ACACB: variants seen among roughly 807,000 people sequenced by gnomAD.
ACACB encodes acetyl-CoA carboxylase 2.
A neutral mutation model predicts 278.8 loss-of-function variants in ACACB; 209 were observed. That is an observed-to-expected ratio of 0.75 (90% CI 0.67 to 0.84). The LOEUF is 0.84. Ranked by LOEUF, ACACB falls within the 40% of genes least tolerant of loss-of-function variation. The pLI, the probability that ACACB is intolerant of heterozygous loss-of-function variation, is 0.00. For missense variants in ACACB, 2,850 were observed against 3,269.0 expected (o/e 0.87, Z 3.13); for synonymous variants, 1,174 against 1,285.6 (o/e 0.91, Z 1.86).
At chr12:109,189,674 C>A (rs2044795017) in intron 13 of ACACB, among the ~76,000 whole-genome samples, 1 of 152,184 alleles carries the variant, frequency 6.6e-6, no homozygotes, top group Non-Finnish European at 1.5e-5. Context: ...TCATACCCAG[C>A]TTCCAGACCC....
rs984699159 is a variant in ACACB, at chr12:109,246,785, G to A, written c.5571+337G>A. On this transcript the variant is annotated intron_variant, in intron 39 of 52. Transcript: ENST00000338432. ...TGTGTCAACTCCCTGGCCTCATAGC[G>A]TTCTTAGAATTATGGCTCACACCTG... Among the ~76,000 whole-genome samples the A allele has an allele frequency of 4.6e-5, 7 of 152,246 alleles. 1 individual carries two copies. In the South Asian group the frequency reaches 1.0e-3, roughly 23 times the overall value.
At chr12:109,118,101 C>A (rs2042452360) in intron 1 of ACACB, among the ~76,000 whole-genome samples, 1 of 152,132 alleles carries the variant, frequency 6.6e-6, no homozygotes, top group Admixed American at 6.5e-5. Flanking sequence ...ACATGGAGTT[C>A]TTTACAAGAT....
Position 109,176,046 on chromosome 12 carries a change from T to C in ACACB, c.1326+6T>C, listed in dbSNP as rs779765495. On this transcript the variant is annotated splice_donor_region_variant and intron_variant, in intron 8 of 52. Coordinates refer to ENST00000338432, the MANE Select transcript of ACACB (RefSeq NM_001093.4). ...ACGTAGATGAGGGCTTGGAGGTAAA[T>C]GCAGAGCCTGTGGGGGCCAGGGGAG... 6.2e-7 allele frequency: 1 copy of C among 1,613,934 alleles called. No homozygotes were observed. Among genetic ancestry groups the C allele is most frequent in the Non-Finnish European group, 8.5e-7 (1 of 1,179,778 alleles).
chr12:109,152,008 A>G (rs1274563840), intron 2 of ACACB, among the ~76,000 whole-genome samples: 1 of 152,234 alleles, frequency 6.6e-6, no homozygotes, highest in African/African-American at 2.4e-5. Context: ...ATGCAAGGTC[A>G]TGATCACTGT....
chr12:109,266,241 T>G lies in ACACB; in HGVS notation c.7256T>G (p.Val2419Gly). 1.2e-6 allele frequency: 2 copies of G among 1,612,928 alleles called. No individual in the cohort carries two copies. The highest frequency in any genetic ancestry group is 4.5e-5 in the East Asian group (2 of 44,766). Residue 2419 changes from valine to glycine, a missense_variant, in exon 53 of 53, where the codon GTT becomes GGT. Coordinates refer to ENST00000338432, the MANE Select transcript of ACACB (RefSeq NM_001093.4). ...DSVLKTIRGLVEENPEVAVDC... is the reference protein window; with the variant it reads ...DSVLKTIRGLGEENPEVAVDC... ...TCCTCTCACCTCCCCCACAGCCTGG[T>G]TGAAGAAAACCCCGAGGTGGCCGTG...
chr12:109,194,512 ATGTGTGTGTG>A (rs370227666), intron 16 of ACACB, among the ~76,000 whole-genome samples: 2 of 88,822 alleles, frequency 2.3e-5, no homozygotes, highest in African/African-American at 8.6e-5. Flanking sequence ...CTGTGTGTGC[ATGTGTGTGTG>A]TGTGTGTGTG....
At chr12:109,239,529 G>A (rs2046732783) in intron 34 of ACACB, among the ~76,000 whole-genome samples, 1 of 152,358 alleles carries the variant, frequency 6.6e-6, no homozygotes, top group East Asian at 1.9e-4. Context: ...CTGGTTCTCA[G>A]GAATCTGGCC....
chr12:109,129,430 G>T lies in ACACB; in HGVS notation c.-9-9967G>T, dbSNP rs11065634. Among the ~76,000 whole-genome samples the T allele has an allele frequency of 1.9e-3, 290 of 152,200 alleles. 1 individual carries two copies. Among genetic ancestry groups the T allele is most frequent in the African/African-American group, 6.3e-3 (261 of 41,518 alleles). On this transcript the variant is annotated intron_variant, in intron 1 of 52. Transcript: ENST00000338432. ...AGTGACACAGAAAAACACTTGTCGCGACTTATTAGGAATCACTTCCTCTTC... is the reference window on the plus strand; with the variant it reads ...AGTGACACAGAAAAACACTTGTCGCTACTTATTAGGAATCACTTCCTCTTC...
intron 50 of ACACB, 102 bp from the exon 51 acceptor site, chr12:109,265,008 G>A (rs1355729112): frequency 4.5e-6 from 6 of 1,332,600 alleles, no homozygotes; most frequent in Non-Finnish European, 5.2e-6. Context: ...TGATCTCAGA[G>A]CCTGGGCCCA....
chr12:109,113,599 A>T (rs1490420378), upstream of ACACB, among the ~76,000 whole-genome samples: 1 of 152,238 alleles, frequency 6.6e-6, no homozygotes, highest in Admixed American at 6.5e-5. Context: ...TTTTTTAAAG[A>T]TAGACTTTAG....
chr12:109,115,106 C>A (rs146633452), upstream of ACACB, among the ~76,000 whole-genome samples: 1,579 of 152,244 alleles, frequency 0.01, 37 homozygotes, highest in African/African-American at 0.035. Flanking sequence ...AGTCTTTTTG[C>A]AAGTAATGAA....
chr12:109,122,783 C>T (rs2135945358), intron 1 of ACACB, among the ~76,000 whole-genome samples: 2 of 151,882 alleles, frequency 1.3e-5, no homozygotes, highest in African/African-American at 4.8e-5. Flanking sequence ...CACAGTGGTC[C>T]CCCAATGCAT....
chr12:109,249,397 C>T (rs2047035573), intron 40 of ACACB: 1 of 152,226 alleles, frequency 6.6e-6, no homozygotes, highest in Admixed American at 6.5e-5. Flanking sequence ...GGAAAGGCAG[C>T]TTGCACAACT....
At chr12:109,134,442 G>A (rs1256775106) in intron 1 of ACACB, among the ~76,000 whole-genome samples, 2 of 152,198 alleles carry the variant, frequency 1.3e-5, no homozygotes, top group African/African-American at 2.4e-5. Flanking sequence ...GATTTAATCT[G>A]TTGGGCCTCT....
At chr12:109,171,958 T>C in intron 5 of ACACB, 44 bp downstream of exon 5, 2 of 1,492,800 alleles carry the variant, frequency 1.3e-6, no homozygotes, top group African/African-American at 2.8e-5. Flanking sequence ...GAGTGTGGGA[T>C]GATGCCCCTA....
intron 21 of ACACB, among the ~76,000 whole-genome samples, chr12:109,211,728 C>T (rs571952197): frequency 6.9e-4 from 105 of 152,250 alleles, no homozygotes; most frequent in African/African-American, 2.5e-3. Flanking sequence ...GTGATAGTTG[C>T]ACAACTTTAT....
intron 47 of ACACB, among the ~76,000 whole-genome samples, chr12:109,259,824 G>A (rs375417446): frequency 6.6e-6 from 1 of 152,200 alleles, no homozygotes; most frequent in African/African-American, 2.4e-5. Context: ...AGCATGTTTT[G>A]GGAGAGAGTG....
chr12:109,209,042 G>A (rs1356265733), intron 20 of ACACB, 123 bp from the exon 21 acceptor site: 1 of 1,127,034 alleles, frequency 8.9e-7, no homozygotes, highest in African/African-American at 1.5e-5. Flanking sequence ...TGCTGGGTCT[G>A]GATCTTCAGC....
intron 33 of ACACB, among the ~76,000 whole-genome samples, chr12:109,236,879 G>A (rs572087950): frequency 4.6e-5 from 7 of 151,994 alleles, no homozygotes; most frequent in Non-Finnish European, 1.0e-4. Context: ...GCCTGGTCAC[G>A]CTGGCAGGTG....
Sources: allele counts gnomAD v4.1 joint callset (sites outside exome capture counted in the v4.1 genomes callset), GRCh38; gene constraint gnomAD v4.1.1; transcripts MANE v1.5; gene names NCBI Gene and HGNC (gene_info 2026-07-23, HGNC 2026-07-21).